ELOVL6: variants seen among roughly 807,000 people sequenced by gnomAD.
ELOVL6 encodes ELOVL fatty acid elongase 6, also known as very long chain fatty acid elongase 6.
Under a neutral mutation model 31.7 loss-of-function variants are expected in ELOVL6, and 8 were observed. The ratio of observed to expected loss-of-function variants is 0.25; its 90% CI spans 0.15 to 0.45. ELOVL6 has a LOEUF of 0.45. Among genes scored for constraint, ELOVL6 ranks in the 20% least tolerant of loss-of-function variants. The probability of loss-of-function intolerance (pLI) is 1.00; values close to 1 mark genes in which losing one functional copy is unlikely to be tolerated. For synonymous variants in ELOVL6, 101 were observed against 117.7 expected (o/e 0.86, Z 0.92); for missense variants, 126 against 326.4 (o/e 0.39, Z 4.73).
rs948382470 is a variant in ELOVL6 at position 110,170,825 on chromosome 4, T to C, written c.89+27422A>G. 3.3e-5 allele frequency among the ~76,000 whole-genome samples: 5 copies of C among 152,262 alleles called. No individual in the cohort carries two copies. In the South Asian group the frequency reaches 1.0e-3, roughly 32 times the overall value. On this transcript the variant is annotated intron_variant, in intron 1 of 3. Transcript: ENST00000302274. ...TATATATACAGGTTTCATCCACAGC[T>C]CCTGGCTCGCAACTCCCACAGCCCT...
At chr4:110,142,750 C>A (rs1758000242) in intron 1 of ELOVL6, among the ~76,000 whole-genome samples, 1 of 152,206 alleles carries the variant, frequency 6.6e-6, no homozygotes, top group Non-Finnish European at 1.5e-5. Context: ...TCTTTTATCA[C>A]TGAGTATCCT....
chr4:110,062,693 G>A (rs1022529499), intron 2 of ELOVL6, among the ~76,000 whole-genome samples: 1 of 152,302 alleles, frequency 6.6e-6, no homozygotes, highest in Non-Finnish European at 1.5e-5. Context: ...CACAGCAGAT[G>A]CTGCTAATCA....
intron 1 of ELOVL6, among the ~76,000 whole-genome samples, chr4:110,184,371 G>A (rs1759380744): frequency 6.6e-6 from 1 of 152,178 alleles, no homozygotes; most frequent in Non-Finnish European, 1.5e-5. Context: ...TATAAACCAA[G>A]TGCCAGTGAA....
At chr4:110,097,949 A>C (rs1356128263) in intron 2 of ELOVL6, among the ~76,000 whole-genome samples, 1 of 152,220 alleles carries the variant, frequency 6.6e-6, no homozygotes, top group Non-Finnish European at 1.5e-5. Flanking sequence ...TAGGAGGCTA[A>C]GGGAGTTACG....
chr4:110,158,863 G>A (rs543140297), intron 1 of ELOVL6, among the ~76,000 whole-genome samples: 18 of 151,768 alleles, frequency 1.2e-4, no homozygotes, highest in Admixed American at 2.0e-4. Context: ...GTTTCGCCAC[G>A]TTGGCCAGGC....
intron 2 of ELOVL6, among the ~76,000 whole-genome samples, chr4:110,097,323 G>A (rs1366753281): frequency 7.7e-4 from 82 of 106,606 alleles, no homozygotes; most frequent in East Asian, 1.5e-3. Flanking sequence ...AAAAAAAAAA[G>A]CTTAAGAAAT....
rs542420419 is a variant in ELOVL6 at position 110,083,103 on chromosome 4, G to A, written c.221+22394C>T. ...AAAAAAAGCAAACTTTTTCTATGCC[G>A]ACTACATACTAGGTTCTTCATATCA... On this transcript the variant is annotated intron_variant, in intron 2 of 3. Coordinates refer to ENST00000302274, the MANE Select transcript of ELOVL6 (RefSeq NM_024090.3). Among the ~76,000 whole-genome samples, 14 of 151,628 alleles carry A rather than the reference G, an allele frequency of 9.2e-5. No homozygotes were observed. The South Asian group carries it at 1.9e-3, about 20-fold the overall frequency.
chr4:110,190,793 C>A (rs923971419), intron 1 of ELOVL6, among the ~76,000 whole-genome samples: 2 of 151,578 alleles, frequency 1.3e-5, no homozygotes, highest in African/African-American at 4.8e-5. Context: ...GTATAAGCCA[C>A]CATGCCCGGC....
intron 2 of ELOVL6, among the ~76,000 whole-genome samples, chr4:110,086,761 C>T (rs1231532258): frequency 6.6e-6 from 1 of 152,084 alleles, no homozygotes; most frequent in Non-Finnish European, 1.5e-5. Flanking sequence ...TAGTATGTAT[C>T]CATTCATTGT....
intron 2 of ELOVL6, among the ~76,000 whole-genome samples, chr4:110,090,596 C>CTTCCTTTTTTTTTTTTTTTTTT (rs1206850406): frequency 1.2e-5 from 1 of 82,556 alleles, no homozygotes; most frequent in African/African-American, 7.3e-5. Flanking sequence ...GAAAGTTTGA[C>CTTCCTTTTTTTTTTTTTTTTTT]TTTCTTTTTT....
In ELOVL6 at chr4:110,140,858, G is replaced by C. The variant is rs1026862675; in HGVS notation, c.90-35230C>G. 2.0e-5 allele frequency among the ~76,000 whole-genome samples: 3 copies of C among 151,672 alleles called. No homozygotes were observed. The South Asian group carries it at 6.2e-4, about 32-fold the overall frequency. ...ATATTGTGCATATTCTTTTATTACTGTATTAGTCCGTTTTCATGTTGCTGA... is the reference window on the plus strand; with the variant it reads ...ATATTGTGCATATTCTTTTATTACTCTATTAGTCCGTTTTCATGTTGCTGA... On this transcript the variant is annotated intron_variant, in intron 1 of 3. Transcript: ENST00000302274.
At chr4:110,196,263 G>A (rs957343491) in intron 1 of ELOVL6, among the ~76,000 whole-genome samples, 7 of 151,970 alleles carry the variant, frequency 4.6e-5, no homozygotes, top group African/African-American at 1.7e-4. Flanking sequence ...TCAGAGATTC[G>A]GCACAGAAGC....
At position 110,048,077 on chromosome 4, in the gene ELOVL6, A is replaced by G. The variant is rs1042238681; in HGVS notation, c.*3261T>C. 1.3e-5 allele frequency: 2 copies of G among 152,082 alleles called. No homozygotes were observed. Among genetic ancestry groups the G allele is most frequent in the Non-Finnish European group, 2.9e-5 (2 of 68,016 alleles). The allele number at this position is 152,082 out of a possible 1,614,324, so 9.4% of individuals were successfully genotyped here. A position where few individuals can be genotyped will look rare whatever the true frequency, so the allele number is the denominator to read the frequency against. Reference sequence around the variant, plus strand: ...AGCAGAGAGGTGGAGAAGCGAGGGGATATAATCAAGCCTTTCTTTTCCCTC... The same window carrying G: ...AGCAGAGAGGTGGAGAAGCGAGGGGGTATAATCAAGCCTTTCTTTTCCCTC... On this transcript the variant is annotated 3_prime_UTR_variant, in exon 4 of 4. Coordinates refer to ENST00000302274, the MANE Select transcript of ELOVL6 (RefSeq NM_024090.3).
chr4:110,084,013 T>C lies in ELOVL6; in HGVS notation c.221+21484A>G, dbSNP rs1208839960. Among the ~76,000 whole-genome samples the C allele has an allele frequency of 4.9e-4, 40 of 81,848 alleles. 3 individuals are homozygous for C. Among genetic ancestry groups the C allele is most frequent in the South Asian group, 1.2e-3 (3 of 2,458 alleles). The allele number at this position is 81,848 out of a possible 152,430, so 53.7% of individuals were successfully genotyped here. ...GATATATAACATATGCCATATATGG[T>C]ATATAACATATGCCATATATGGTAT... On this transcript the variant is annotated intron_variant, in intron 2 of 3. Transcript: ENST00000302274.
chr4:110,120,719 A>T (rs1757322788), intron 1 of ELOVL6, among the ~76,000 whole-genome samples: 1 of 151,934 alleles, frequency 6.6e-6, no homozygotes, highest in Non-Finnish European at 1.5e-5. Context: ...GTATACCAGG[A>T]ATGTTACACT....
chr4:110,164,419 C>G (rs1758711110), intron 1 of ELOVL6, among the ~76,000 whole-genome samples: 1 of 152,140 alleles, frequency 6.6e-6, no homozygotes, highest in Admixed American at 6.6e-5. Flanking sequence ...AACACTTTGA[C>G]CTAACTCAGC....
intron 1 of ELOVL6, among the ~76,000 whole-genome samples, chr4:110,184,561 G>A (rs190552704): frequency 2.0e-5 from 3 of 152,282 alleles, no homozygotes; most frequent in Admixed American, 1.3e-4. Flanking sequence ...TTTAACCATT[G>A]TGATGACAAG....
At chr4:110,109,368 C>A (rs989689979) in intron 1 of ELOVL6, among the ~76,000 whole-genome samples, 1 of 152,136 alleles carries the variant, frequency 6.6e-6, no homozygotes, top group African/African-American at 2.4e-5. Context: ...AGGTGACCAA[C>A]CAAATAAAGA....
intron 1 of ELOVL6, among the ~76,000 whole-genome samples, chr4:110,168,335 C>G (rs1013644600): frequency 1.3e-5 from 2 of 151,618 alleles, no homozygotes; most frequent in Non-Finnish European, 2.9e-5. Flanking sequence ...GGCAACAAGG[C>G]GAAACCCCGT....
Sources: gnomAD v4.1 joint callset for allele counts (sites outside exome capture counted in the v4.1 genomes callset) on GRCh38, gnomAD v4.1.1 for gene constraint, MANE v1.5 for transcripts, NCBI Gene and HGNC (gene_info 2026-07-23, HGNC 2026-07-21) for gene names.